CCDC73: variants seen among roughly 807,000 people sequenced by gnomAD.
CCDC73 encodes coiled-coil domain-containing protein 73.
In CCDC73, 95 loss-of-function variants were observed where a neutral mutation model predicts 116.5. That is an observed-to-expected ratio of 0.82 (90% CI 0.69 to 0.97). The LOEUF (loss-of-function observed/expected upper bound fraction) is 0.97, where lower values mean the gene tolerates loss of function less well. Ranked by LOEUF, CCDC73 falls within the 50% of genes least tolerant of loss-of-function variation. The probability of loss-of-function intolerance (pLI) is 0.00; values close to 1 mark genes in which losing one functional copy is unlikely to be tolerated. For missense variants in CCDC73, 1,066 were observed against 1,206.8 expected, an observed-to-expected ratio of 0.88 and a Z score of 1.73; for synonymous variants, 398 against 401.3, an observed-to-expected ratio of 0.99 and a Z score of 0.10.
Position 32,765,649 on chromosome 11 carries a change from C to T in CCDC73, c.-15-5391G>A, listed in dbSNP as rs553476526. Among the ~76,000 whole-genome samples the T allele has an allele frequency of 1.2e-4, 19 of 152,260 alleles. No individual in the cohort carries two copies. The East Asian group carries it at 3.5e-3, about 28-fold the overall frequency. Reference sequence around the variant, plus strand: ...GGAAATTTATAGCACTAAATGCCCACAAGAGAAAGCAGGAAAGATCTAAAA... The same window carrying T: ...GGAAATTTATAGCACTAAATGCCCATAAGAGAAAGCAGGAAAGATCTAAAA... On this transcript the variant is annotated intron_variant, in intron 1 of 17. Coordinates refer to ENST00000335185, the MANE Select transcript of CCDC73 (RefSeq NM_001008391.4).
chr11:32,696,637 C>T (rs1160635900), intron 6 of CCDC73, among the ~76,000 whole-genome samples: 1 of 151,928 alleles, frequency 6.6e-6, no homozygotes, highest in African/African-American at 2.4e-5. Context: ...GGTTTTGCCA[C>T]GTTGCCCAGG....
intron 9 of CCDC73, among the ~76,000 whole-genome samples, chr11:32,672,370 T>C (rs867820922): frequency 2.7e-4 from 41 of 152,302 alleles, no homozygotes; most frequent in Admixed American, 1.1e-3. Flanking sequence ...TAGTCTATTA[T>C]GTTACAATGA....
At chr11:32,785,435 T>C (rs1850619591) in intron 1 of CCDC73, among the ~76,000 whole-genome samples, 1 of 152,146 alleles carries the variant, frequency 6.6e-6, no homozygotes, top group South Asian at 2.1e-4. Context: ...AGGATCTCAC[T>C]CTGTCACCCA....
intron 6 of CCDC73, among the ~76,000 whole-genome samples, chr11:32,691,699 A>C (rs998069246): frequency 7.2e-5 from 11 of 152,048 alleles, no homozygotes; most frequent in Non-Finnish European, 1.5e-4. Flanking sequence ...TAAAGTTTTT[A>C]ATTTTAATGA....
Position 32,642,096 on chromosome 11 carries a change from A to T in CCDC73, c.940-14T>A, listed in dbSNP as rs1855738552. ...TCTTTCAAGGGTCTGCAATAAAATT[A>T]ATTATCCAAAAAATAATCAATACCA... On this transcript the variant is annotated splice_polypyrimidine_tract_variant and intron_variant, in intron 12 of 17. Transcript: ENST00000335185. 6.6e-7 allele frequency: 1 copy of T among 1,513,868 alleles called. No homozygotes were observed. The highest frequency in any genetic ancestry group is 8.8e-7 in the Non-Finnish European group (1 of 1,133,902). 93.8% of individuals were successfully genotyped at this position (1,513,868 alleles called of 1,614,324 possible). A position where few individuals can be genotyped will look rare whatever the true frequency, so the allele number is the denominator to read the frequency against.
chr11:32,764,679 T>C lies in CCDC73; in HGVS notation c.-15-4421A>G, dbSNP rs554667550. On this transcript the variant is annotated intron_variant, in intron 1 of 17. Transcript: ENST00000335185. ...AAAACATGCCAAAATGTAAAGACCA[T>C]CGATGCTAGGAAGAAACTGCGTAAA... Among the ~76,000 whole-genome samples, 85 of 152,172 alleles carry C rather than the reference T, an allele frequency of 5.6e-4. No homozygotes were observed. The South Asian group carries it at 0.016, about 29-fold the overall frequency.
At chr11:32,706,361 AC>A (rs1367340058) in intron 3 of CCDC73, among the ~76,000 whole-genome samples, 1 of 152,216 alleles carries the variant, frequency 6.6e-6, no homozygotes, top group Non-Finnish European at 1.5e-5. Context: ...AAATAGCTCT[AC>A]TACTAGATCT....
rs757130265 is a variant in CCDC73, at chr11:32,613,675, G to A, written c.2643C>T (p.Ser881=). The change falls in exon 16 of 18, where the codon AGC becomes AGT. Residue 881 remains serine, a synonymous_variant. Transcript: ENST00000335185. The part of the protein sequence containing the change: ...IEPSGDLVNR[S]GRSTFDLSTS... ...TTGAAAGATCAAAGGTTGACCTTCC[G>A]CTTCTGTTTACTAAATCTCCAGATG... The A allele has an allele frequency of 6.2e-6, 10 of 1,613,862 alleles. No homozygotes were observed. The highest frequency in any genetic ancestry group is 2.2e-5 in the South Asian group (2 of 91,086).
chr11:32,725,714 C>T (rs1349194030), intron 2 of CCDC73, among the ~76,000 whole-genome samples: 3 of 152,166 alleles, frequency 2.0e-5, no homozygotes, highest in African/African-American at 7.2e-5. Flanking sequence ...AGGTCACTTT[C>T]ATCTCTAAAT....
At chr11:32,649,288 A>C (rs985743735) in intron 12 of CCDC73, among the ~76,000 whole-genome samples, 1 of 152,214 alleles carries the variant, frequency 6.6e-6, no homozygotes, top group Non-Finnish European at 1.5e-5. Flanking sequence ...AAATGACCCT[A>C]GTTAATACTA....
At chr11:32,650,648 G>A (rs945052909) in intron 12 of CCDC73, among the ~76,000 whole-genome samples, 1 of 152,094 alleles carries the variant, frequency 6.6e-6, no homozygotes, top group Admixed American at 6.5e-5. Context: ...TAGGTGAAGG[G>A]ATTAAAAGAA....
intron 17 of CCDC73, chr11:32,604,263 A>AG (rs1166519982): frequency 1.3e-5 from 2 of 152,160 alleles, no homozygotes; most frequent in Admixed American, 1.3e-4. Flanking sequence ...ACCTTGGACT[A>AG]CAGGCATGTG....
intron 8 of CCDC73, 76 bp downstream of exon 8, chr11:32,675,810 T>C: frequency 7.7e-7 from 1 of 1,303,868 alleles, no homozygotes; most frequent in South Asian, 1.4e-5. Flanking sequence ...TCATAGATAT[T>C]CAATGTATTC....
chr11:32,676,909 T>C (rs772978906), intron 7 of CCDC73, among the ~76,000 whole-genome samples: 1 of 152,196 alleles, frequency 6.6e-6, no homozygotes, highest in Non-Finnish European at 1.5e-5. Context: ...TTATATAATA[T>C]TATATGGGCC....
intron 6 of CCDC73, among the ~76,000 whole-genome samples, chr11:32,695,752 GT>G (rs1382290007): frequency 7.4e-6 from 1 of 135,094 alleles, no homozygotes; most frequent in African/African-American, 2.8e-5. Flanking sequence ...ATGTTCCCAT[GT>G]AGTAATTTTT....
intron 14 of CCDC73, among the ~76,000 whole-genome samples, chr11:32,634,631 T>C (rs1590558457): frequency 6.6e-6 from 1 of 152,308 alleles, no homozygotes; most frequent in African/African-American, 2.4e-5. Flanking sequence ...CAATTGTTAT[T>C]CAACATTAGA....
chr11:32,788,567 G>A (rs189753668), intron 1 of CCDC73, among the ~76,000 whole-genome samples: 8 of 151,080 alleles, frequency 5.3e-5, no homozygotes, highest in Admixed American at 4.0e-4. Context: ...CCCGACCTCC[G>A]GAGCTCATGA....
Position 32,653,203 on chromosome 11 carries a change from T to A in CCDC73, c.859A>T (p.Met287Leu). Residue 287 changes from methionine to leucine, a missense_variant, in exon 12 of 18, where the codon ATG (methionine) becomes TTG (leucine). Physicochemically the swap from Met to Leu is conservative, Grantham distance 15. Transcript: ENST00000335185. Reference protein sequence around the residue: ...KQDIIISFQHMQQLLRQQIQA... With the variant: ...KQDIIISFQHLQQLLRQQIQA... ...ATTTGTTGCCGAAGTAACTGCTGCA[T>A]ATGTTGGAAAGAAATGATGATATCC... is the stretch of plus-strand genomic sequence containing the variant. The A allele has an allele frequency of 6.2e-7, 1 of 1,610,936 alleles. No homozygotes were observed. Among genetic ancestry groups the A allele is most frequent in the Non-Finnish European group, 8.5e-7 (1 of 1,177,994 alleles).
chr11:32,640,339 G>C (rs1297777373), intron 13 of CCDC73, among the ~76,000 whole-genome samples: 6 of 152,068 alleles, frequency 3.9e-5, no homozygotes, highest in Admixed American at 3.9e-4. Flanking sequence ...TTTTTCTTGA[G>C]AGAGGAGCAT....
Sources: allele counts gnomAD v4.1 joint callset (sites outside exome capture counted in the v4.1 genomes callset), GRCh38; gene constraint gnomAD v4.1.1; transcripts MANE v1.5; gene names NCBI Gene and HGNC (gene_info 2026-07-23, HGNC 2026-07-21).